Variants in LIPC observed in about 807,000 individuals in gnomAD.
LIPC encodes hepatic triacylglycerol lipase.
A neutral mutation model predicts 50.7 loss-of-function variants in LIPC; 44 were observed. The observed-to-expected ratio is 0.87, with a 90% CI of 0.68 to 1.11. The LOEUF (loss-of-function observed/expected upper bound fraction) is 1.11. LIPC is among the 50% of genes most tolerant of loss of function. The pLI, the probability that LIPC is intolerant of heterozygous loss-of-function variation, is 0.00. For synonymous variants in LIPC, 271 were observed against 256.4 expected (o/e 1.06, Z -0.54); for missense variants, 697 against 648.2 (o/e 1.08, Z -0.82).
At position 58,485,660 on chromosome 15, in the gene LIPC, A is replaced by AT. The variant is rs536176053; in HGVS notation, c.89-52673_89-52672insT. Among the ~76,000 whole-genome samples the AT allele has an allele frequency of 3.9e-4, 60 of 152,318 alleles. No individual in the cohort carries two copies. The East Asian group carries it at 0.01, about 26-fold the overall frequency. ...ATTTGGATCTCACAACATCTCTGCA[A>AT]AGAAGATATTGCTATGCCTGTTTTA... is the stretch of plus-strand genomic sequence containing the variant. On this transcript the variant is annotated intron_variant, in intron 1 of 8. Coordinates refer to ENST00000299022, the MANE Select transcript of LIPC (RefSeq NM_000236.3).
At chr15:58,533,586 T>TTTC (rs1893019272) in intron 1 of LIPC, among the ~76,000 whole-genome samples, 2 of 152,268 alleles carry the variant, frequency 1.3e-5, no homozygotes, top group South Asian at 4.1e-4. Flanking sequence ...AATAGTGGAA[T>TTTC]AAGTAAATAA....
At chr15:58,444,276 G>A (rs975329942) in intron 1 of LIPC, among the ~76,000 whole-genome samples, 4 of 152,174 alleles carry the variant, frequency 2.6e-5, no homozygotes, top group Admixed American at 6.5e-5. Context: ...GAAGGCACTC[G>A]TGAGTGAGCC....
chr15:58,473,058 G>T (rs1303588854), intron 1 of LIPC, among the ~76,000 whole-genome samples: 1 of 152,162 alleles, frequency 6.6e-6, no homozygotes, highest in African/African-American at 2.4e-5. Flanking sequence ...AGCTGGGGAG[G>T]GGGAGGACGG....
chr15:58,473,296 T>C (rs1025914924), intron 1 of LIPC, among the ~76,000 whole-genome samples: 1 of 152,178 alleles, frequency 6.6e-6, no homozygotes, highest in Non-Finnish European at 1.5e-5. Context: ...CCCCAGGAAA[T>C]GCTTTTTGTC....
intron 1 of LIPC, among the ~76,000 whole-genome samples, chr15:58,502,853 C>T (rs111415946): frequency 1.3e-5 from 2 of 151,000 alleles, no homozygotes; most frequent in African/African-American, 4.9e-5. Context: ...TTTAGGGAGG[C>T]ACAAGGATGA....
intron 1 of LIPC, among the ~76,000 whole-genome samples, chr15:58,483,508 G>A (rs1282358083): frequency 1.3e-5 from 2 of 152,180 alleles, no homozygotes; most frequent in African/African-American, 4.8e-5. Flanking sequence ...GGTTGGAGAG[G>A]AGGCTGCTGT....
At chr15:58,527,181 C>T (rs987285125) in intron 1 of LIPC, among the ~76,000 whole-genome samples, 8 of 152,180 alleles carry the variant, frequency 5.3e-5, no homozygotes, top group Non-Finnish European at 8.8e-5. Flanking sequence ...CTTAGATGTG[C>T]GGAGAAATCG....
intron 6 of LIPC, among the ~76,000 whole-genome samples, chr15:58,552,720 G>T (rs1014353006): frequency 2.0e-5 from 3 of 152,208 alleles, no homozygotes; most frequent in African/African-American, 7.2e-5. Flanking sequence ...TCTTTGGAAG[G>T]TTTCCACTGA....
chr15:58,543,023 TTCA>T (rs1290276911), intron 4 of LIPC, among the ~76,000 whole-genome samples: 1 of 152,208 alleles, frequency 6.6e-6, no homozygotes, highest in Non-Finnish European at 1.5e-5. Context: ...TTTGCTGTAA[TTCA>T]TCAGCCACGT....
chr15:58,448,191 T>C (rs1595856174), intron 1 of LIPC, among the ~76,000 whole-genome samples: 1 of 152,336 alleles, frequency 6.6e-6, no homozygotes, highest in South Asian at 2.1e-4. Flanking sequence ...TGTGTGACTT[T>C]GGATAAATCA....
At chr15:58,537,153 T>G (rs1893151914) in intron 1 of LIPC, among the ~76,000 whole-genome samples, 1 of 152,184 alleles carries the variant, frequency 6.6e-6, no homozygotes, top group Non-Finnish European at 1.5e-5. Context: ...TCCCTAATCT[T>G]GGCAGAAAAG....
intron 1 of LIPC, among the ~76,000 whole-genome samples, chr15:58,511,916 A>T (rs1292192658): frequency 3.3e-5 from 5 of 152,168 alleles, no homozygotes; most frequent in Admixed American, 2.0e-4. Context: ...TTGAGTTATA[A>T]AATCAGGATT....
chr15:58,537,913 C>T (rs1377738890), intron 1 of LIPC, among the ~76,000 whole-genome samples: 1 of 152,212 alleles, frequency 6.6e-6, no homozygotes, highest in East Asian at 1.9e-4. Context: ...GCTCTATTCA[C>T]TGTCTCTCTA....
At chr15:58,451,358 A>T (rs1332819026) in intron 1 of LIPC, among the ~76,000 whole-genome samples, 1 of 152,192 alleles carries the variant, frequency 6.6e-6, no homozygotes, top group African/African-American at 2.4e-5. Flanking sequence ...TGTAACATAG[A>T]TGTCCAAATT....
chr15:58,568,807 T>G lies in LIPC; in HGVS notation c.1480T>G (p.Ser494Ala). 3 of 1,600,528 alleles carry G rather than the reference T, an allele frequency of 1.9e-6. No homozygotes were observed. The highest frequency in any genetic ancestry group is 2.6e-6 in the Non-Finnish European group (3 of 1,169,234). The change falls in exon 9 of 9, where the codon TCA becomes GCA. Residue 494 changes from serine (S) to alanine (A), a missense_variant. Physicochemically the swap from Ser to Ala is moderately conservative, Grantham distance 99. Coordinates refer to ENST00000299022, the MANE Select transcript of LIPC (RefSeq NM_000236.3). ...GAAATGTGAAATAAAGTCTAAAACATCAAAGCGAAAGATCAGATGAGATTT... is the reference window on the plus strand; with the variant it reads ...GAAATGTGAAATAAAGTCTAAAACAGCAAAGCGAAAGATCAGATGAGATTT... ...FVKCEIKSKT[S>A]KRKIR is the part of the protein sequence containing the mutation.
intron 1 of LIPC, among the ~76,000 whole-genome samples, chr15:58,460,991 C>G (rs1186603488): frequency 2.0e-5 from 3 of 151,998 alleles, no homozygotes; most frequent in African/African-American, 7.3e-5. Flanking sequence ...TGGGGTTGGT[C>G]CACAGGATGG....
At chr15:58,528,685 A>G (rs140292713) in intron 1 of LIPC, among the ~76,000 whole-genome samples, 10 of 152,316 alleles carry the variant, frequency 6.6e-5, no homozygotes, top group South Asian at 2.1e-4. Flanking sequence ...CCAAGCTCCT[A>G]ACCGCTTCTG....
chr15:58,557,676 C>T (rs28619338), intron 6 of LIPC, among the ~76,000 whole-genome samples: 84,675 of 151,980 alleles, frequency 0.56, 25,787 homozygotes, highest in South Asian at 0.7. Context: ...TGAGCCACCG[C>T]GCCCGGCCTC....
Position 58,538,514 on chromosome 15 carries a change from G to C in LIPC, c.270G>C (p.Trp90Cys), listed in dbSNP as rs753844277. The change falls in exon 2 of 9, where the codon TGG becomes TGC. Residue 90 changes from tryptophan to cysteine, a missense_variant. By Grantham distance (215) the Trp-to-Cys change is radical (BLOSUM62 -2). Transcript: ENST00000299022. ...SLPLVMIIHG[W>C]SVDGVLENWI... ...CTCTGGTGATGATAATCCACGGGTGGTCGGTAGGAAATGCTGACATGCCGT... is the reference window on the plus strand; with the variant it reads ...CTCTGGTGATGATAATCCACGGGTGCTCGGTAGGAAATGCTGACATGCCGT... 3 of 1,614,048 alleles carry C rather than the reference G, an allele frequency of 1.9e-6. No individual in the cohort carries two copies. In the East Asian group the frequency reaches 6.7e-5, roughly 36 times the overall value.
Sources: gnomAD v4.1 joint callset for allele counts (sites outside exome capture counted in the v4.1 genomes callset) on GRCh38, gnomAD v4.1.1 for gene constraint, MANE v1.5 for transcripts, NCBI Gene and HGNC (gene_info 2026-07-23, HGNC 2026-07-21) for gene names.